The following TSC2 variants were observed in gnomAD, a reference collection of about 807,000 sequenced individuals.
TSC2 encodes tuberin.
In TSC2, 29 loss-of-function variants were observed where a neutral mutation model predicts 202.2. That is an observed-to-expected ratio of 0.14 (90% CI 0.11 to 0.20). The LOEUF (loss-of-function observed/expected upper bound fraction) is 0.20. Among genes scored for constraint, TSC2 ranks in the 10% least tolerant of loss-of-function variants. The probability of loss-of-function intolerance (pLI) is 1.00; values close to 1 mark genes in which losing one functional copy is unlikely to be tolerated. For synonymous variants in TSC2, 1,349 were observed against 1,044.0 expected, an observed-to-expected ratio of 1.29 and a Z score of -5.63; for missense variants, 2,429 against 2,420.0, an observed-to-expected ratio of 1.00 and a Z score of -0.08.
At chr16:2,052,200 C>G (rs2085212822) in intron 3 of TSC2, among the ~76,000 whole-genome samples, 1 of 128,514 alleles carries the variant, frequency 7.8e-6, no homozygotes, top group African/African-American at 3.3e-5. Context: ...ATCTTTGCAG[C>G]TCAGGTTGCA....
At chr16:2,050,541 G>C in intron 3 of TSC2, 55 bp downstream of exon 3, 1 of 1,523,892 alleles carries the variant, frequency 6.6e-7, no homozygotes. Flanking sequence ...TTCAGAGCCT[G>C]AGTTTGCTTT....
At chr16:2,085,355 C>T (rs1011122862) in intron 36 of TSC2, 33 bp downstream of exon 36, 2 of 1,610,046 alleles carry the variant, frequency 1.2e-6, no homozygotes, top group African/African-American at 1.3e-5. Context: ...GGTGCCTGGA[C>T]AGGGCCAGCT....
At chr16:2,060,164 G>A (rs1008250525) in intron 10 of TSC2, among the ~76,000 whole-genome samples, 4 of 152,294 alleles carry the variant, frequency 2.6e-5, no homozygotes, top group East Asian at 1.9e-4. Context: ...GCAGTGCCCC[G>A]TGATGACAGC....
intron 5 of TSC2, chr16:2,054,810 T>G (rs2085562844): frequency 5.3e-6 from 2 of 376,450 alleles, no homozygotes; most frequent in South Asian, 2.3e-5. Flanking sequence ...TTTGTGGACC[T>G]TCCTCCTGCC....
At chr16:2,073,241 C>T (rs1392960703) in intron 21 of TSC2, among the ~76,000 whole-genome samples, 3 of 151,196 alleles carry the variant, frequency 2.0e-5, no homozygotes, top group Non-Finnish European at 2.9e-5. Context: ...CTCTGTAGAG[C>T]GTTGCCTGGC....
rs1279318460 is a variant in TSC2 at position 2,088,649 on chromosome 16, T to G, written c.*39T>G. On this transcript the variant is annotated 3_prime_UTR_variant, in exon 42 of 42. Coordinates refer to ENST00000219476, the MANE Select transcript of TSC2 (RefSeq NM_000548.5). Reference sequence around the variant, plus strand: ...CCTCCTGCACTGGCCTTGGACGGTATTGCCTGTCAGTGAAATAAATAAAGT... The same window carrying G: ...CCTCCTGCACTGGCCTTGGACGGTAGTGCCTGTCAGTGAAATAAATAAAGT... 1.3e-6 allele frequency: 2 copies of G among 1,580,914 alleles called. No individual in the cohort carries two copies. The highest frequency in any genetic ancestry group is 1.8e-5 in the Admixed American group (1 of 56,908).
At chr16:2,066,620 A>G (rs1473533108) in intron 16 of TSC2, among the ~76,000 whole-genome samples, 1 of 124,800 alleles carries the variant, frequency 8.0e-6, no homozygotes, top group African/African-American at 3.0e-5. Flanking sequence ...TTTTCCATCC[A>G]CTCGAGCAGC....
intron 2 of TSC2, 34 bp from the exon 3 acceptor site, chr16:2,050,366 A>T (rs1360578699): frequency 6.2e-7 from 1 of 1,602,822 alleles, no homozygotes; most frequent in Non-Finnish European, 8.5e-7. Flanking sequence ...TGGCCTGAGC[A>T]CTGGCCCCTT....
At chr16:2,069,769 T>C (rs188452261) in intron 16 of TSC2, among the ~76,000 whole-genome samples, 3,318 of 151,472 alleles carry the variant, frequency 0.022, 133 homozygotes, top group African/African-American at 0.076. Context: ...CGTGAGCCAC[T>C]GTGCCCGGCC....
chr16:2,068,645 CG>C (rs1287405837), intron 16 of TSC2: 6 of 152,060 alleles, frequency 3.9e-5, no homozygotes, highest in African/African-American at 1.4e-4. Flanking sequence ...GAGGCCGAGG[CG>C]GGCAGATCAT....
chr16:2,069,635 A>G (rs961161863), intron 16 of TSC2, among the ~76,000 whole-genome samples: 2 of 152,084 alleles, frequency 1.3e-5, no homozygotes, highest in Non-Finnish European at 1.5e-5. Flanking sequence ...GCCCACCACC[A>G]CGCCCGGCTA....
intron 21 of TSC2, among the ~76,000 whole-genome samples, chr16:2,073,372 T>C (rs1222892005): frequency 1.3e-5 from 2 of 152,176 alleles, no homozygotes; most frequent in Admixed American, 6.5e-5. Flanking sequence ...CCCCATCAGG[T>C]GCCGGAAACT....
chr16:2,077,387 T>G, intron 25 of TSC2: 1 of 674,328 alleles, frequency 1.5e-6, no homozygotes. Flanking sequence ...TCAGTCATGT[T>G]TACCAGACGT....
chr16:2,077,417 T>C (rs2089544358), intron 25 of TSC2, 181 bp from the exon 26 acceptor site: 2 of 840,390 alleles, frequency 2.4e-6, no homozygotes, highest in Non-Finnish European at 3.8e-6. Context: ...CATTTTTGTT[T>C]TCTGTCTCTT....
chr16:2,076,183 C>T lies in TSC2; in HGVS notation c.2742+13C>T, dbSNP rs45517260. ...TTTCATCACTAAGGTGGGCTCAGGG[C>T]CGGTGAAGGCTGTGTCTCTCGGTAG... On this transcript the variant is annotated intron_variant, in intron 24 of 41. Coordinates refer to ENST00000219476, the MANE Select transcript of TSC2 (RefSeq NM_000548.5). The T allele has an allele frequency of 1.0e-4, 162 of 1,613,282 alleles. No homozygotes were observed. The African/African-American group carries it at 2.0e-3, about 20-fold the overall frequency.
chr16:2,058,939 C>G lies in TSC2; in HGVS notation c.975+66C>G, dbSNP rs565076776. 135 of 1,570,074 alleles carry G rather than the reference C, an allele frequency of 8.6e-5. 2 individuals carry two copies. The South Asian group carries it at 1.4e-3, about 17-fold the overall frequency. ...AGAGCTCCCCTCACGCCTGCCCACC[C>G]ATCCCACTGGGGGTCCTGCTGCGGG... On this transcript the variant is annotated intron_variant, in intron 10 of 41. Transcript: ENST00000219476.
chr16:2,075,671 G>A (rs1475153485), intron 22 of TSC2, 128 bp from the exon 23 acceptor site: 33 of 976,344 alleles, frequency 3.4e-5, no homozygotes, highest in East Asian at 1.3e-4. Context: ...GGAAAGCCAC[G>A]TCCGTGTGGC....
rs45517148 is a variant in TSC2, at chr16:2,060,790, G to A, written c.1096G>A (p.Glu366Lys). ...VAWDILLNII[E>K]RLLQQLQTLD... ...GTGGGACATTCTGCTGAACATCATC[G>A]AACGGCTCCTTCAGCAGCTCCAGGT... is the stretch of plus-strand genomic sequence containing the variant. Residue 366 changes from glutamate to lysine, a missense_variant, in exon 11 of 42, where the codon GAA becomes AAA. By Grantham distance (56) the Glu-to-Lys change is moderately conservative. Transcript: ENST00000219476. The A allele has an allele frequency of 3.2e-5, 52 of 1,613,602 alleles. No individual in the cohort carries two copies. The highest frequency in any genetic ancestry group is 1.6e-4 in the Middle Eastern group (1 of 6,072).
rs2090170500 is a variant in TSC2, at chr16:2,081,767, C to T, written c.3783C>T (p.Ala1261=). 6.2e-7 allele frequency: 1 copy of T among 1,612,606 alleles called. No homozygotes were observed. The highest frequency in any genetic ancestry group is 1.3e-5 in the African/African-American group (1 of 74,936). Residue 1261 remains alanine (A), a synonymous_variant, in exon 31 of 42, where the codon GCC becomes GCT. Transcript: ENST00000219476. ...TGTCGGTGCCGGCAGCCAGCACGGC[C>T]AAACCCCCTCCTCTGCCTCGCTCCA... The part of the protein sequence containing the change: ...KSLSVPAAST[A]KPPPLPRSNT...
Sources: allele counts gnomAD v4.1 joint callset (sites outside exome capture counted in the v4.1 genomes callset), GRCh38; gene constraint gnomAD v4.1.1; transcripts MANE v1.5; gene names NCBI Gene and HGNC (gene_info 2026-07-23, HGNC 2026-07-21).